The following ACOX1 variants were observed in gnomAD, a reference collection of about 807,000 sequenced individuals.
The protein encoded by ACOX1 is acyl-CoA oxidase 1.
ACOX1 carries 41 observed loss-of-function variants against 75.5 expected under a neutral mutation model. The observed-to-expected ratio is 0.54, with a 90% CI of 0.42 to 0.70. The LOEUF is 0.70. Ranked by LOEUF, ACOX1 falls within the 30% of genes least tolerant of loss-of-function variation. The probability of loss-of-function intolerance (pLI) is 0.00; values close to 1 mark genes in which losing one functional copy is unlikely to be tolerated. For missense variants in ACOX1, 630 were observed against 837.5 expected (o/e 0.75, Z 3.06); for synonymous variants, 303 against 298.8 (o/e 1.01, Z -0.15).
At chr17:75,968,822 C>G (rs962327076) in intron 2 of ACOX1, among the ~76,000 whole-genome samples, 1 of 147,724 alleles carries the variant, frequency 6.8e-6, no homozygotes, top group Admixed American at 6.9e-5. Context: ...CTCAGGAGGC[C>G]GAGGGAGGAG....
chr17:75,956,957 CTCTCTCTCTCTCTCTATATATATATA>C (rs1275227651), intron 4 of ACOX1, among the ~76,000 whole-genome samples: 499 of 28,382 alleles, frequency 0.018, 7 homozygotes, highest in Middle Eastern at 0.02. Flanking sequence ...CTCTCTCTCT[CTCTCTCTCTCTCTCTATATATATATA>C]TATATATATA....
At position 75,953,623 on chromosome 17, in the gene ACOX1, GGAA is replaced by G. The variant is rs1210192337; in HGVS notation, c.775-6_775-4del. On this transcript the variant is annotated splice_polypyrimidine_tract_variant and splice_region_variant and intron_variant, in intron 6 of 13. Transcript: ENST00000293217. ...ACGTATGTGCCATCAGGCTTCACCT[GGAA>G]GAAGAACGTGGAACTGATACTTCCT... The G allele has an allele frequency of 6.2e-7, 1 of 1,614,004 alleles. No homozygotes were observed. The highest frequency in any genetic ancestry group is 1.1e-5 in the South Asian group (1 of 91,072).
chr17:75,962,589 T>C (rs1470346916), intron 2 of ACOX1, among the ~76,000 whole-genome samples: 1 of 152,216 alleles, frequency 6.6e-6, no homozygotes, highest in Non-Finnish European at 1.5e-5. Flanking sequence ...CAGGGCACAC[T>C]GCTCAGACAA....
intron 2 of ACOX1, among the ~76,000 whole-genome samples, chr17:75,975,921 AAAAG>A (rs1213831996): frequency 4.0e-5 from 6 of 151,480 alleles, no homozygotes; most frequent in South Asian, 2.1e-4. Flanking sequence ...AAGAGAAAGA[AAAAG>A]AAAGGAAAAG....
Position 75,946,254 on chromosome 17 carries a change from TAA to T in ACOX1, c.*492_*493del. ...AACTCATTCGCATCAAGTTTTCCAA[TAA>T]GTTTCCTTCCCCCAGTCCCTTTTCT... On this transcript the variant is annotated 3_prime_UTR_variant, in exon 14 of 14. Coordinates refer to ENST00000293217, the MANE Select transcript of ACOX1 (RefSeq NM_004035.7). 2 of 181,236 alleles carry T rather than the reference TAA, an allele frequency of 1.1e-5. No individual in the cohort carries two copies. The highest frequency in any genetic ancestry group is 2.3e-5 in the Non-Finnish European group (2 of 85,140). 11.2% of individuals were successfully genotyped at this position (181,236 alleles called of 1,614,324 possible).
chr17:75,962,515 G>A (rs1038293553), intron 2 of ACOX1, among the ~76,000 whole-genome samples: 2 of 152,134 alleles, frequency 1.3e-5, no homozygotes, highest in African/African-American at 2.4e-5. Flanking sequence ...TTTGAAATGA[G>A]CATAAATGAC....
At chr17:75,962,128 C>T (rs16968360) in intron 2 of ACOX1, among the ~76,000 whole-genome samples, 2,719 of 152,152 alleles carry the variant, frequency 0.018, 64 homozygotes, top group African/African-American at 0.061. Flanking sequence ...TATTCGGCCA[C>T]GCTCTACTGA....
intron 5 of ACOX1, 23 bp downstream of exon 5, chr17:75,955,805 A>G (rs1289455825): frequency 1.2e-6 from 2 of 1,614,162 alleles, no homozygotes; most frequent in Non-Finnish European, 1.7e-6. Context: ...TTTTCATCTC[A>G]ACATCAGATG....
chr17:75,949,466 A>C (rs1382287235), intron 11 of ACOX1, 29 bp downstream of exon 11: 6 of 1,611,986 alleles, frequency 3.7e-6, no homozygotes, highest in Non-Finnish European at 5.1e-6. Flanking sequence ...GAGGGCAGGG[A>C]AGGGGAAAAA....
intron 2 of ACOX1, among the ~76,000 whole-genome samples, chr17:75,967,740 A>G (rs1272222986): frequency 2.1e-5 from 3 of 143,618 alleles, no homozygotes; most frequent in African/African-American, 5.1e-5. Flanking sequence ...ATATACACGT[A>G]TATATATATA....
At chr17:75,968,467 AT>A (rs1469833672) in intron 2 of ACOX1, among the ~76,000 whole-genome samples, 1 of 127,140 alleles carries the variant, frequency 7.9e-6, no homozygotes, top group Non-Finnish European at 1.7e-5. Flanking sequence ...TTAGCCGGGC[AT>A]GGTGGAGGGT....
At chr17:75,965,904 C>A (rs529746878) in intron 2 of ACOX1, among the ~76,000 whole-genome samples, 4 of 151,058 alleles carry the variant, frequency 2.6e-5, no homozygotes, top group Non-Finnish European at 3.0e-5. Flanking sequence ...CTGAGGCAGG[C>A]AGATCACCTG....
intron 2 of ACOX1, chr17:75,973,710 G>A (rs767426836): frequency 1.1e-5 from 18 of 1,614,010 alleles, no homozygotes; most frequent in Non-Finnish European, 1.4e-5. Context: ...GAGCAGTGGT[G>A]CCCTGATTCA....
intron 2 of ACOX1, among the ~76,000 whole-genome samples, chr17:75,967,661 C>CGTATATATACACGTAT (rs1555618937): frequency 1.1e-5 from 1 of 93,304 alleles, no homozygotes; most frequent in Non-Finnish European, 2.0e-5. Flanking sequence ...TATATACATA[C>CGTATATATACACGTAT]ATATATATAC....
intron 2 of ACOX1, among the ~76,000 whole-genome samples, chr17:75,972,341 AAAAGG>A (rs2066004265): frequency 2.0e-5 from 3 of 150,982 alleles, no homozygotes; most frequent in African/African-American, 7.3e-5. Flanking sequence ...AAAAAAAAAA[AAAAGG>A]AAGGATCTGT....
chr17:75,977,441 C>T (rs949776186), intron 2 of ACOX1, among the ~76,000 whole-genome samples: 4 of 152,166 alleles, frequency 2.6e-5, no homozygotes, highest in Middle Eastern at 3.4e-3. Context: ...TGGCGGGCGC[C>T]TGTAATCCCA....
Position 75,978,640 on chromosome 17 carries a change from T to C in ACOX1, c.163A>G (p.Thr55Ala). The change falls in exon 2 of 14, where the codon ACT becomes GCT. Residue 55 changes from threonine to alanine, a missense_variant. Thr to Ala is a moderately conservative substitution (Grantham distance 58, BLOSUM62 0). Transcript: ENST00000293217. This position sits in a 1 kb window ranked among gnomAD's most constrained non-coding sequence, Gnocchi z 4.2. ...DFQHEDLNFL[T>A]RSQRYEVAVR... ...GCCACCTCATAACGCTGGCTGCGAG[T>C]GAGGAAGTTCAAGTCCTCATGCTGG... is the stretch of plus-strand genomic sequence containing the variant. 6.2e-7 allele frequency: 1 copy of C among 1,614,130 alleles called. No homozygotes were observed. The highest frequency in any genetic ancestry group is 1.6e-4 in the Middle Eastern group (1 of 6,062).
In ACOX1 at chr17:75,946,659, A is replaced by C; in HGVS notation, c.*89T>G. ...AAGGGGTCAATTTATCATTTGCTCT[A>C]TAGCTATTTGAATTCGAAAAAGATT... On this transcript the variant is annotated 3_prime_UTR_variant, in exon 14 of 14. Transcript: ENST00000293217. 1 of 1,066,480 alleles carries C rather than the reference A, an allele frequency of 9.4e-7. No individual in the cohort carries two copies. Among genetic ancestry groups the C allele is most frequent in the Non-Finnish European group, 1.4e-6 (1 of 692,242 alleles). 66.1% of individuals were successfully genotyped at this position (1,066,480 alleles called of 1,614,324 possible). A position where few individuals can be genotyped will look rare whatever the true frequency, so the allele number is the denominator to read the frequency against.
rs536793161 is a variant in ACOX1 at position 75,955,674 on chromosome 17, G to C, written c.666C>G (p.Thr222=). Residue 222 remains threonine (T), a synonymous_variant, in exon 6 of 14, where the codon ACC becomes ACG. Transcript: ENST00000293217. ...IGTHKPLPGI[T]VGDIGPKFGY... is the part of the protein sequence containing the mutation. ...CAAATTTGGGGCCGATGTCACCAACGGTAATTCCTACCACAGATGAAAGGA... is the reference window on the plus strand; with the variant it reads ...CAAATTTGGGGCCGATGTCACCAACCGTAATTCCTACCACAGATGAAAGGA... 5 of 1,613,570 alleles carry C rather than the reference G, an allele frequency of 3.1e-6. No individual in the cohort carries two copies. Among genetic ancestry groups the C allele is most frequent in the Non-Finnish European group, 4.2e-6 (5 of 1,179,626 alleles).
Sources: gnomAD v4.1 joint callset for allele counts (sites outside exome capture counted in the v4.1 genomes callset) on GRCh38, gnomAD v4.1.1 for gene constraint, Gnocchi (gnomAD v3.1) non-coding constraint, MANE v1.5 for transcripts, NCBI Gene and HGNC (gene_info 2026-07-23, HGNC 2026-07-21) for gene names.